ITGA9: variants seen among roughly 807,000 people sequenced by gnomAD.
ITGA9 encodes integrin alpha-9.
In ITGA9, 56 loss-of-function variants were observed where a neutral mutation model predicts 127.8. The observed-to-expected ratio is 0.44, with a 90% CI of 0.35 to 0.55. The LOEUF (loss-of-function observed/expected upper bound fraction) is 0.55. ITGA9 is among the 20% of genes least tolerant of loss of function. The pLI is 0.00. For synonymous variants in ITGA9, 508 were observed against 514.5 expected (o/e 0.99, Z 0.17); for missense variants, 1,196 against 1,347.1 (o/e 0.89, Z 1.76).
chr3:37,780,791 A>C (rs1696967762), intron 25 of ITGA9, among the ~76,000 whole-genome samples: 1 of 152,196 alleles, frequency 6.6e-6, no homozygotes, highest in Admixed American at 6.5e-5. Flanking sequence ...TCCCATCAAC[A>C]GTGTATAAGT....
intron 18 of ITGA9, among the ~76,000 whole-genome samples, chr3:37,707,471 G>T (rs1382005261): frequency 6.6e-6 from 1 of 152,116 alleles, no homozygotes; most frequent in African/African-American, 2.4e-5. Flanking sequence ...TACTTTGAAG[G>T]TTTGGGGACA....
intron 1 of ITGA9, among the ~76,000 whole-genome samples, chr3:37,456,337 G>T (rs1192858557): frequency 6.6e-6 from 1 of 152,194 alleles, no homozygotes; most frequent in Non-Finnish European, 1.5e-5. Context: ...CCCACTCCCT[G>T]AGTCTTCTGG....
chr3:37,770,782 C>A (rs1696833270), intron 23 of ITGA9, among the ~76,000 whole-genome samples: 1 of 152,142 alleles, frequency 6.6e-6, no homozygotes, highest in South Asian at 2.1e-4. Context: ...GGCTTCTGAC[C>A]ATGACAGCTC....
chr3:37,822,141 T>G lies in ITGA9; in HGVS notation c.*3152T>G, dbSNP rs1697522517. The G allele has an allele frequency of 6.6e-6, 1 of 152,156 alleles. No individual in the cohort carries two copies. The highest frequency in any genetic ancestry group is 1.5e-5 in the Non-Finnish European group (1 of 68,020). The allele number at this position is 152,156 out of a possible 1,614,324, so 9.4% of individuals were successfully genotyped here. On this transcript the variant is annotated 3_prime_UTR_variant, in exon 28 of 28. Coordinates refer to ENST00000264741, the MANE Select transcript of ITGA9 (RefSeq NM_002207.3). ...ATGTTCTACTTTCTCCCCTTCCTGC[T>G]TCCATGGTTTCACTGTGGAATCCTA... is the stretch of plus-strand genomic sequence containing the variant.
intron 23 of ITGA9, among the ~76,000 whole-genome samples, chr3:37,756,628 G>A (rs923913240): frequency 6.6e-6 from 1 of 152,124 alleles, no homozygotes; most frequent in Non-Finnish European, 1.5e-5. Flanking sequence ...ACTAGTAGTA[G>A]TACCTATCTC....
At chr3:37,513,282 A>G (rs932302205) in intron 8 of ITGA9, among the ~76,000 whole-genome samples, 1 of 152,152 alleles carries the variant, frequency 6.6e-6, no homozygotes, top group Non-Finnish European at 1.5e-5. Flanking sequence ...ATAGGACTCC[A>G]GGAATGGGGG....
chr3:37,540,751 C>A (rs142355299), intron 14 of ITGA9, among the ~76,000 whole-genome samples: 1 of 152,272 alleles, frequency 6.6e-6, no homozygotes, highest in Non-Finnish European at 1.5e-5. Flanking sequence ...TTGCTATTGT[C>A]CCCATTGGAG....
intron 18 of ITGA9, among the ~76,000 whole-genome samples, chr3:37,695,166 G>C (rs1015162466): frequency 2.6e-5 from 4 of 152,208 alleles, no homozygotes; most frequent in African/African-American, 9.6e-5. Context: ...ACTTAGGGAG[G>C]AATAAGTGGT....
intron 17 of ITGA9, among the ~76,000 whole-genome samples, chr3:37,665,166 G>A (rs375926985): frequency 2.6e-4 from 40 of 151,684 alleles, no homozygotes; most frequent in African/African-American, 9.2e-4. Flanking sequence ...GTAGAGATGG[G>A]GTTTCACCAT....
intron 15 of ITGA9, among the ~76,000 whole-genome samples, chr3:37,615,574 C>A (rs935713744): frequency 1.3e-5 from 2 of 152,152 alleles, no homozygotes; most frequent in African/African-American, 4.8e-5. Context: ...TGGTAGAATT[C>A]GGCTGTGAAT....
intron 18 of ITGA9, among the ~76,000 whole-genome samples, chr3:37,707,854 G>C (rs896963244): frequency 2.0e-5 from 3 of 152,154 alleles, no homozygotes; most frequent in African/African-American, 4.8e-5. Context: ...GGACAGGCAA[G>C]GGCTGCCCTG....
chr3:37,741,864 C>T lies in ITGA9; in HGVS notation c.2324+45C>T, dbSNP rs1696441584. On this transcript the variant is annotated intron_variant, in intron 21 of 27. Transcript: ENST00000264741. ...GTTGCCACAACACAGGAGTGCCCTCCAGTGGAACACTGTGCTTCTCATATT... is the reference window on the plus strand; with the variant it reads ...GTTGCCACAACACAGGAGTGCCCTCTAGTGGAACACTGTGCTTCTCATATT... 5 of 1,429,404 alleles carry T rather than the reference C, an allele frequency of 3.5e-6. No individual in the cohort carries two copies. In the East Asian group the frequency reaches 1.2e-4, roughly 33 times the overall value. The allele number at this position is 1,429,404 out of a possible 1,614,324, so 88.5% of individuals were successfully genotyped here.
At chr3:37,491,080 C>T (rs1183899178) in intron 4 of ITGA9, among the ~76,000 whole-genome samples, 1 of 151,360 alleles carries the variant, frequency 6.6e-6, no homozygotes, top group African/African-American at 2.4e-5. Context: ...AGACTCAAGC[C>T]ATCCTCCCAC....
intron 15 of ITGA9, among the ~76,000 whole-genome samples, chr3:37,622,772 G>A (rs1700139663): frequency 6.6e-6 from 1 of 151,996 alleles, no homozygotes; most frequent in African/African-American, 2.4e-5. Context: ...TTGAACCTGG[G>A]AGGCAGAGAT....
At chr3:37,699,633 C>G (rs899747170) in intron 18 of ITGA9, among the ~76,000 whole-genome samples, 4 of 152,214 alleles carry the variant, frequency 2.6e-5, no homozygotes, top group African/African-American at 4.8e-5. Context: ...CTCCTTTGCT[C>G]AGAAGTCTCC....
chr3:37,593,002 CA>C (rs1362221668), intron 15 of ITGA9, among the ~76,000 whole-genome samples: 1 of 152,116 alleles, frequency 6.6e-6, no homozygotes, highest in African/African-American at 2.4e-5. Flanking sequence ...TTTTCAAATA[CA>C]AAGCTAGTAG....
intron 4 of ITGA9, among the ~76,000 whole-genome samples, chr3:37,489,691 CTTT>C (rs10579497): frequency 0.64 from 83,803 of 131,862 alleles, 26,043 homozygotes; most frequent in Middle Eastern, 0.69. Context: ...TATAATTGCC[CTTT>C]TTTTTTTTTT....
In ITGA9 at chr3:37,488,743, A is replaced by G. The variant is rs538248839; in HGVS notation, c.545-5758A>G. On this transcript the variant is annotated intron_variant, in intron 4 of 27. Transcript: ENST00000264741. ...AACCTGGGAGGCGGCGGTTGTGGTG[A>G]GCCAGGATTGCATCACTGCACTCCA... Among the ~76,000 whole-genome samples the G allele has an allele frequency of 7.2e-5, 11 of 151,986 alleles. No individual in the cohort carries two copies. The South Asian group carries it at 1.0e-3, about 14-fold the overall frequency.
At chr3:37,547,204 C>G (rs961574150) in intron 15 of ITGA9, among the ~76,000 whole-genome samples, 1 of 151,424 alleles carries the variant, frequency 6.6e-6, no homozygotes, top group Admixed American at 6.6e-5. Context: ...ACAAAACAAT[C>G]TACACTAGAC....
Sources: allele counts gnomAD v4.1 joint callset (sites outside exome capture counted in the v4.1 genomes callset), GRCh38; gene constraint gnomAD v4.1.1; transcripts MANE v1.5; gene names NCBI Gene and HGNC (gene_info 2026-07-23, HGNC 2026-07-21).